ETS1: variants seen among roughly 807,000 people sequenced by gnomAD.
ETS1 encodes the protein protein C-ets-1.
ETS1 carries 15 observed loss-of-function variants against 58.6 expected under a neutral mutation model. The ratio of observed to expected loss-of-function variants is 0.26; its 90% CI spans 0.17 to 0.39. ETS1 has a LOEUF of 0.39. ETS1 is among the 10% of genes least tolerant of loss of function. The pLI is 1.00. For synonymous variants in ETS1, 214 were observed against 218.2 expected, an observed-to-expected ratio of 0.98 and a Z score of 0.17; for missense variants, 417 against 610.5, an observed-to-expected ratio of 0.68 and a Z score of 3.34.
chr11:128,530,025 G>T (rs1259880894), intron 3 of ETS1: 1 of 152,140 alleles, frequency 6.6e-6, no homozygotes, highest in East Asian at 1.9e-4. Flanking sequence ...CAACTTTAGG[G>T]TGTCCAGTGT....
At chr11:128,573,899 T>C (rs978159988) in intron 1 of ETS1, among the ~76,000 whole-genome samples, 12 of 152,238 alleles carry the variant, frequency 7.9e-5, no homozygotes, top group African/African-American at 2.9e-4. Context: ...AAAAAGTCGT[T>C]CTTGAATAAT....
chr11:128,479,120 G>A (rs1862412069), intron 8 of ETS1, among the ~76,000 whole-genome samples: 2 of 152,174 alleles, frequency 1.3e-5, no homozygotes, highest in South Asian at 4.1e-4. Flanking sequence ...GTTCTCAAAG[G>A]TCACTGGTTT....
chr11:128,496,078 A>G (rs1452434367), intron 3 of ETS1, among the ~76,000 whole-genome samples: 1 of 152,118 alleles, frequency 6.6e-6, no homozygotes. Flanking sequence ...TGTCACAAGG[A>G]TATTTTTTAG....
intron 1 of ETS1, among the ~76,000 whole-genome samples, chr11:128,576,297 G>A (rs184927720): frequency 2.6e-5 from 4 of 152,184 alleles, no homozygotes; most frequent in Admixed American, 2.6e-4. Flanking sequence ...TGCTAGAGAC[G>A]TAAACCTTCT....
At position 128,584,938 on chromosome 11, in the gene ETS1, A is replaced by AAAAGAAAGAAAG. The variant is rs765433081; in HGVS notation, c.-15+2538_-15+2549dup. On this transcript the variant is annotated intron_variant, in intron 1 of 9. Coordinates refer to ENST00000392668, the MANE Select transcript of ETS1 (RefSeq NM_001143820.2). ...AGAAAGAAAGAGGAAGAAAAAAGAG[A>AAAAGAAAGAAAG]AAAGAAAGAAAGAAAGAAAGAAAGA... 6.2e-3 allele frequency among the ~76,000 whole-genome samples: 385 copies of AAAAGAAAGAAAG among 62,590 alleles called. 85 individuals carry two copies. Among genetic ancestry groups the AAAAGAAAGAAAG allele is most frequent in the Middle Eastern group, 0.017 (2 of 118 alleles). The allele number at this position is 62,590 out of a possible 152,430, so 41.1% of individuals were successfully genotyped here.
intron 3 of ETS1, among the ~76,000 whole-genome samples, chr11:128,514,323 G>A (rs1417784724): frequency 6.6e-6 from 1 of 151,920 alleles, no homozygotes; most frequent in East Asian, 1.9e-4. Context: ...ACTTTCAAAG[G>A]CAAAATTCAT....
chr11:128,519,530 A>C (rs1863608722), intron 3 of ETS1, among the ~76,000 whole-genome samples: 1 of 152,236 alleles, frequency 6.6e-6, no homozygotes, highest in Non-Finnish European at 1.5e-5. Flanking sequence ...CACATGTCCT[A>C]TATGGTCTGA....
chr11:128,565,585 C>G (rs1483533836), intron 2 of ETS1, among the ~76,000 whole-genome samples: 1 of 152,178 alleles, frequency 6.6e-6, no homozygotes, highest in Admixed American at 6.5e-5. Context: ...CTGAAATTCT[C>G]TAGCTTGTGA....
intron 2 of ETS1, among the ~76,000 whole-genome samples, chr11:128,570,254 T>C (rs2135576703): frequency 6.7e-6 from 1 of 150,250 alleles, no homozygotes; most frequent in African/African-American, 2.5e-5. Flanking sequence ...TTTTTTTTTT[T>C]AGATGGAGTC....
intron 2 of ETS1, among the ~76,000 whole-genome samples, chr11:128,565,328 G>A (rs879713284): frequency 2.6e-4 from 39 of 152,276 alleles, no homozygotes; most frequent in Middle Eastern, 3.4e-3. Flanking sequence ...AAGCTGAGAC[G>A]GGACTCTCAC....
At chr11:128,560,283 T>C (rs1375053431) in intron 2 of ETS1, among the ~76,000 whole-genome samples, 1 of 152,182 alleles carries the variant, frequency 6.6e-6, no homozygotes, top group Non-Finnish European at 1.5e-5. Flanking sequence ...CAGCTAATTT[T>C]TGTATTTTTA....
At chr11:128,539,510 C>T (rs1397974928) in intron 3 of ETS1, among the ~76,000 whole-genome samples, 1 of 152,174 alleles carries the variant, frequency 6.6e-6, no homozygotes, top group African/African-American at 2.4e-5. Context: ...ACTGCTCATT[C>T]ACCATGAGGA....
intron 8 of ETS1, among the ~76,000 whole-genome samples, chr11:128,469,703 G>T (rs1862133852): frequency 6.6e-6 from 1 of 152,204 alleles, no homozygotes; most frequent in Non-Finnish European, 1.5e-5. Flanking sequence ...AATAACTCAA[G>T]AAACTGTATT....
At chr11:128,499,143 A>G (rs1320411163) in intron 3 of ETS1, among the ~76,000 whole-genome samples, 4 of 152,198 alleles carry the variant, frequency 2.6e-5, no homozygotes, top group African/African-American at 9.7e-5. Context: ...GGCTTTTGGT[A>G]CCAACATGAC....
chr11:128,475,800 C>T (rs1201056744), intron 8 of ETS1, among the ~76,000 whole-genome samples: 4 of 152,118 alleles, frequency 2.6e-5, no homozygotes, highest in Non-Finnish European at 5.9e-5. Flanking sequence ...ATCTGCCTGC[C>T]TCTGCCTCCC....
Position 128,569,318 on chromosome 11 carries a change from C to CTTTTTTTTTTTTTTTTTTTTTTTTTTTT in ETS1, c.69+3743_69+3744insAAAAAAAAAAAAAAAAAAAAAAAAAAAA, listed in dbSNP as rs398018017. Among the ~76,000 whole-genome samples the CTTTTTTTTTTTTTTTTTTTTTTTTTTTT allele has an allele frequency of 3.0e-4, 12 of 39,472 alleles. 3 individuals carry two copies. The highest frequency in any genetic ancestry group is 5.5e-4 in the African/African-American group (5 of 9,134). 25.9% of individuals were successfully genotyped at this position (39,472 alleles called of 152,430 possible). A position where few individuals can be genotyped will look rare whatever the true frequency, so the allele number is the denominator to read the frequency against. ...TACCATACATGGGACAGAGTTTCTT[C>CTTTTTTTTTTTTTTTTTTTTTTTTTTTT]TTTTTTTTTTTTTTTTTTTTTTTTG... On this transcript the variant is annotated intron_variant, in intron 2 of 9. Coordinates refer to ENST00000392668, the MANE Select transcript of ETS1 (RefSeq NM_001143820.2).
At chr11:128,502,117 A>G (rs1236476172) in intron 3 of ETS1, among the ~76,000 whole-genome samples, 1 of 152,220 alleles carries the variant, frequency 6.6e-6, no homozygotes, top group African/African-American at 2.4e-5. Context: ...GTCTATTTAT[A>G]TCTGCCACTG....
At chr11:128,585,974 G>A (rs1037581235) in intron 1 of ETS1, among the ~76,000 whole-genome samples, 2 of 152,118 alleles carry the variant, frequency 1.3e-5, no homozygotes, top group African/African-American at 4.8e-5. Context: ...GATGCCAAAG[G>A]ATCCCACCCC....
At chr11:128,520,806 G>C (rs1203552740) in intron 3 of ETS1, among the ~76,000 whole-genome samples, 2 of 152,204 alleles carry the variant, frequency 1.3e-5, no homozygotes, top group African/African-American at 4.8e-5. Context: ...TGTGCTGAAA[G>C]TTTAAGCAGC....
Sources: allele counts gnomAD v4.1 joint callset (sites outside exome capture counted in the v4.1 genomes callset), GRCh38; gene constraint gnomAD v4.1.1; transcripts MANE v1.5; gene names NCBI Gene and HGNC (gene_info 2026-07-23, HGNC 2026-07-21).